Variants in SHOC1 observed in about 807,000 individuals in gnomAD.
SHOC1 encodes protein shortage in chiasmata 1 ortholog.
SHOC1 carries 136 observed loss-of-function variants against 179.2 expected under a neutral mutation model. The ratio of observed to expected loss-of-function variants is 0.76; its 90% CI spans 0.66 to 0.87. The LOEUF (loss-of-function observed/expected upper bound fraction) is 0.87. Ranked by LOEUF, SHOC1 falls within the 40% of genes least tolerant of loss-of-function variation. SHOC1 has a pLI of 0.00. For synonymous variants in SHOC1, 489 were observed against 586.6 expected, an observed-to-expected ratio of 0.83 and a Z score of 2.41; for missense variants, 1,538 against 1,700.8, an observed-to-expected ratio of 0.90 and a Z score of 1.68.
intron 3 of SHOC1, among the ~76,000 whole-genome samples, chr9:111,782,292 G>A (rs1320945869): frequency 6.6e-6 from 1 of 152,152 alleles, no homozygotes; most frequent in South Asian, 2.1e-4. Context: ...TCCTTGGACT[G>A]CTACTTATTA....
intron 13 of SHOC1, among the ~76,000 whole-genome samples, chr9:111,727,212 A>C (rs965505990): frequency 1.3e-5 from 2 of 152,194 alleles, no homozygotes; most frequent in Non-Finnish European, 2.9e-5. Context: ...TTAGAAAGAA[A>C]CAATTAAGTA....
intron 5 of SHOC1, chr9:111,759,084 C>CA (rs1171120284): frequency 1.4e-6 from 2 of 1,460,670 alleles, no homozygotes; most frequent in Non-Finnish European, 9.2e-7. Context: ...CCAAATATCC[C>CA]AAAAGAGCTG....
At chr9:111,793,120 G>A (rs866100994) in intron 1 of SHOC1, among the ~76,000 whole-genome samples, 1 of 152,154 alleles carries the variant, frequency 6.6e-6, no homozygotes, top group Non-Finnish European at 1.5e-5. Flanking sequence ...CTGACCTTGT[G>A]ATCCGCCCGT....
intron 10 of SHOC1, among the ~76,000 whole-genome samples, chr9:111,745,419 A>T (rs1425612591): frequency 6.6e-6 from 1 of 152,192 alleles, no homozygotes; most frequent in East Asian, 1.9e-4. Context: ...TATGGGCTGA[A>T]TTGTGTCCCC....
Position 111,738,526 on chromosome 9 carries a change from A to T in SHOC1, c.1175-4T>A. On this transcript the variant is annotated splice_region_variant and splice_polypyrimidine_tract_variant and intron_variant, in intron 11 of 27. Coordinates refer to ENST00000682961, the MANE Select transcript of SHOC1 (RefSeq NM_001378211.1). ...TGGGGCTCTTGAATTCTTGGCACTT[A>T]AAAAAAAATAAAAAACAAATAGTTA... 7.2e-7 allele frequency: 1 copy of T among 1,384,674 alleles called. No homozygotes were observed. The highest frequency in any genetic ancestry group is 9.6e-7 in the Non-Finnish European group (1 of 1,044,712). 85.8% of individuals were successfully genotyped at this position (1,384,674 alleles called of 1,614,324 possible). A position where few individuals can be genotyped will look rare whatever the true frequency, so the allele number is the denominator to read the frequency against.
chr9:111,769,998 T>A (rs949563588), intron 5 of SHOC1, among the ~76,000 whole-genome samples: 4 of 147,312 alleles, frequency 2.7e-5, no homozygotes, highest in Admixed American at 6.8e-5. Context: ...TTTTTTTTTT[T>A]TTTTTTTTTT....
intron 2 of SHOC1, among the ~76,000 whole-genome samples, chr9:111,786,777 T>C (rs1193533654): frequency 6.6e-6 from 1 of 152,200 alleles, no homozygotes; most frequent in Non-Finnish European, 1.5e-5. Context: ...ATGTTGTGTG[T>C]ATTCTGACAA....
chr9:111,763,736 C>A (rs1055665374), intron 5 of SHOC1, among the ~76,000 whole-genome samples: 12 of 151,874 alleles, frequency 7.9e-5, no homozygotes, highest in Non-Finnish European at 1.3e-4. Context: ...AACAGGAGGC[C>A]CAATACAAGA....
At chr9:111,761,745 T>G (rs1266336208) in intron 5 of SHOC1, among the ~76,000 whole-genome samples, 7 of 152,120 alleles carry the variant, frequency 4.6e-5, no homozygotes, top group Non-Finnish European at 1.0e-4. Context: ...AACAAAAAGA[T>G]GCAGATGGCC....
chr9:111,707,844 T>A lies in SHOC1; in HGVS notation c.2558+11A>T. ...CGTTTGTTCCTCACAGATGAAGGAA[T>A]GAATTTTTACCCCCTTAAAACACCT... On this transcript the variant is annotated intron_variant, in intron 19 of 27. Coordinates refer to ENST00000682961, the MANE Select transcript of SHOC1 (RefSeq NM_001378211.1). The A allele has an allele frequency of 6.5e-7, 1 of 1,538,650 alleles. No individual in the cohort carries two copies. The highest frequency in any genetic ancestry group is 1.4e-5 in the African/African-American group (1 of 71,404).
At position 111,738,299 on chromosome 9, in the gene SHOC1, C is replaced by T. The variant is rs781179511; in HGVS notation, c.1398G>A (p.Thr466=). ...NDTKIEIFLP[T]KVLQLESCLE... ...ACTTACATTCTAATTGAAGCACTTT[C>T]GTAGGCAAAAATATCTCAATTTTAG... Residue 466 remains threonine, a synonymous_variant, in exon 12 of 28, where the codon ACG becomes ACA. Transcript: ENST00000682961. The T allele has an allele frequency of 8.1e-6, 13 of 1,609,906 alleles. No homozygotes were observed. Among genetic ancestry groups the T allele is most frequent in the African/African-American group, 5.4e-5 (4 of 74,736 alleles).
At chr9:111,729,402 C>T (rs764590564) in intron 12 of SHOC1, among the ~76,000 whole-genome samples, 1 of 152,286 alleles carries the variant, frequency 6.6e-6, no homozygotes, top group South Asian at 2.1e-4. Flanking sequence ...CCACTGTGCC[C>T]GGCTAGGGGG....
intron 10 of SHOC1, among the ~76,000 whole-genome samples, chr9:111,742,169 G>C (rs1220122228): frequency 6.6e-6 from 1 of 152,176 alleles, no homozygotes; most frequent in African/African-American, 2.4e-5. Context: ...AGAGAGGGCT[G>C]ACTTGGGAGA....
intron 22 of SHOC1, among the ~76,000 whole-genome samples, chr9:111,703,405 A>G (rs1832077739): frequency 6.6e-6 from 1 of 152,184 alleles, no homozygotes; most frequent in Non-Finnish European, 1.5e-5. Flanking sequence ...CCAAGAATTT[A>G]TACATAGAAA....
At chr9:111,689,021 A>G (rs890685892) in intron 27 of SHOC1, among the ~76,000 whole-genome samples, 1 of 152,146 alleles carries the variant, frequency 6.6e-6, no homozygotes, top group Non-Finnish European at 1.5e-5. Flanking sequence ...AAATTATAAA[A>G]CAGTTTTAAT....
intron 5 of SHOC1, among the ~76,000 whole-genome samples, chr9:111,763,372 C>T (rs1259576449): frequency 2.4e-4 from 36 of 151,816 alleles, no homozygotes; most frequent in Admixed American, 2.1e-3. Context: ...ACAAAGCACA[C>T]GCCATTGTGA....
At position 111,785,981 on chromosome 9, in the gene SHOC1, A is replaced by T. The variant is rs957975391; in HGVS notation, c.100T>A (p.Cys34Ser). Residue 34 changes from cysteine (C) to serine (S), a missense_variant, in exon 3 of 28, where the codon TGT becomes AGT. By Grantham distance (112) the Cys-to-Ser change is moderately radical (BLOSUM62 -1). Transcript: ENST00000682961. Reference protein sequence around the residue: ...RDALLLRIPSCLYQDESYHVA... With the variant: ...RDALLLRIPSSLYQDESYHVA... ...TGGTAACTTTCATCTTGATATAAAC[A>T]TGAAGGGATTCGAAGCAATAAAGCA... 1 of 1,529,138 alleles carries T rather than the reference A, an allele frequency of 6.5e-7. No homozygotes were observed. Among genetic ancestry groups the T allele is most frequent in the African/African-American group, 1.4e-5 (1 of 71,958 alleles). The allele number at this position is 1,529,138 out of a possible 1,614,324, so 94.7% of individuals were successfully genotyped here.
intron 5 of SHOC1, among the ~76,000 whole-genome samples, chr9:111,767,666 T>G (rs1835407359): frequency 6.6e-6 from 1 of 152,270 alleles, no homozygotes; most frequent in Admixed American, 6.5e-5. Context: ...TTTGGCTATT[T>G]GGGGTCTTTT....
intron 5 of SHOC1, among the ~76,000 whole-genome samples, chr9:111,764,558 A>C (rs940939370): frequency 2.6e-5 from 4 of 152,204 alleles, no homozygotes; most frequent in Admixed American, 1.3e-4. Flanking sequence ...ATCTAACCAA[A>C]GTTATAACTA....
Sources: allele counts gnomAD v4.1 joint callset (sites outside exome capture counted in the v4.1 genomes callset), GRCh38; gene constraint gnomAD v4.1.1; transcripts MANE v1.5; gene names NCBI Gene and HGNC (gene_info 2026-07-23, HGNC 2026-07-21).